The following CUL2 variants were observed in gnomAD, a reference collection of about 807,000 sequenced individuals.
CUL2 encodes the protein cullin 2, also known as cullin-2.
CUL2 carries 22 observed loss-of-function variants against 110.2 expected under a neutral mutation model. The ratio of observed to expected loss-of-function variants is 0.20; its 90% CI spans 0.14 to 0.28. The LOEUF (loss-of-function observed/expected upper bound fraction) is 0.28, where lower values mean the gene tolerates loss of function less well. Among genes scored for constraint, CUL2 ranks in the 10% least tolerant of loss-of-function variants. The pLI, the probability that CUL2 is intolerant of heterozygous loss-of-function variation, is 1.00. For missense variants in CUL2, 631 were observed against 905.5 expected (o/e 0.70, Z 3.89); for synonymous variants, 279 against 293.2 (o/e 0.95, Z 0.49).
chr10:35,072,076 C>T (rs564689247), intron 1 of CUL2, among the ~76,000 whole-genome samples: 60 of 152,208 alleles, frequency 3.9e-4, no homozygotes, highest in African/African-American at 1.2e-3. Flanking sequence ...AATGAGGCAG[C>T]ATGCAAGGGA....
intron 1 of CUL2, among the ~76,000 whole-genome samples, chr10:35,073,095 T>C (rs189203205): frequency 2.0e-5 from 3 of 152,040 alleles, no homozygotes; most frequent in African/African-American, 7.2e-5. Context: ...ATAGACTCCA[T>C]GGAAAAGAAT....
chr10:35,013,663 C>T (rs779306285), intron 19 of CUL2, 36 bp downstream of exon 19: 97 of 1,342,066 alleles, frequency 7.2e-5, no homozygotes, highest in Non-Finnish European at 9.9e-5. Context: ...TTAAATGTTT[C>T]CCCCTCAAAA....
chr10:35,012,673 G>A (rs1588941769), intron 19 of CUL2, among the ~76,000 whole-genome samples: 1 of 152,182 alleles, frequency 6.6e-6, no homozygotes, highest in Non-Finnish European at 1.5e-5. Context: ...TATTAGCCTG[G>A]AGGAAAATGG....
At chr10:35,081,353 G>A (rs763373059) in intron 1 of CUL2, among the ~76,000 whole-genome samples, 1 of 152,026 alleles carries the variant, frequency 6.6e-6, no homozygotes, top group Non-Finnish European at 1.5e-5. Context: ...TTTTCACATC[G>A]CTCTTATCAG....
At chr10:35,119,790 G>C (rs1179515465) in intron 1 of CUL2, among the ~76,000 whole-genome samples, 1 of 151,862 alleles carries the variant, frequency 6.6e-6, no homozygotes, top group Non-Finnish European at 1.5e-5. Context: ...GGCTGATCTC[G>C]AACTCCTGGC....
chr10:35,025,202 T>TG lies in CUL2; in HGVS notation c.1618-5_1618-4insC, dbSNP rs1564701988. On this transcript the variant is annotated splice_region_variant and splice_polypyrimidine_tract_variant and intron_variant, in intron 16 of 20. Coordinates refer to ENST00000374749, the MANE Select transcript of CUL2 (RefSeq NM_003591.4). ...GTTGGCTATAAAATAATTCAAACTG[T>TG]AAAAAAAAAAAAAAAACACACATTA... 1.4e-4 allele frequency: 207 copies of TG among 1,434,432 alleles called. No homozygotes were observed. Among genetic ancestry groups the TG allele is most frequent in the South Asian group, 2.6e-4 (18 of 68,838 alleles). 88.9% of individuals were successfully genotyped at this position (1,434,432 alleles called of 1,614,324 possible).
At chr10:35,011,210 AATTTTTTT>A in intron 20 of CUL2, among the ~76,000 whole-genome samples, 1 of 129,292 alleles carries the variant, frequency 7.7e-6, no homozygotes, top group Non-Finnish European at 1.6e-5. Flanking sequence ...TTAATTTTTT[AATTTTTTT>A]TTTTTTTTTT....
chr10:35,044,051 CAAA>C (rs534515519), intron 8 of CUL2, among the ~76,000 whole-genome samples: 19 of 87,808 alleles, frequency 2.2e-4, no homozygotes, highest in Admixed American at 4.3e-4. Flanking sequence ...ACCACATCTC[CAAA>C]AAAAAAAAAA....
At chr10:35,032,944 TC>T (rs929864852) in intron 11 of CUL2, among the ~76,000 whole-genome samples, 24 of 152,122 alleles carry the variant, frequency 1.6e-4, no homozygotes, top group African/African-American at 5.8e-4. Context: ...GATTAAAAAT[TC>T]CCCTTATATA....
intron 9 of CUL2, 80 bp from the exon 10 acceptor site, chr10:35,035,376 T>C (rs915092400): frequency 7.4e-6 from 11 of 1,489,460 alleles, no homozygotes; most frequent in Middle Eastern, 1.7e-4. Flanking sequence ...AGTGCAGGAG[T>C]ACAATATACG....
intron 6 of CUL2, among the ~76,000 whole-genome samples, chr10:35,049,480 C>G (rs1256231058): frequency 6.8e-6 from 1 of 146,546 alleles, no homozygotes; most frequent in Non-Finnish European, 1.5e-5. Context: ...GAGCTCCCCC[C>G]ACCAAAAAGA....
chr10:35,096,359 C>T (rs1342669535), intron 2 of CUL2, among the ~76,000 whole-genome samples: 5 of 152,150 alleles, frequency 3.3e-5, no homozygotes, highest in Non-Finnish European at 5.9e-5. Flanking sequence ...AATCCCAGCA[C>T]TTTGGAAGAT....
chr10:35,073,646 C>T (rs1564740318), intron 1 of CUL2, among the ~76,000 whole-genome samples: 1 of 149,978 alleles, frequency 6.7e-6, no homozygotes, highest in Non-Finnish European at 1.5e-5. Flanking sequence ...TGTTGTCAGC[C>T]TGGGCTGGGG....
At chr10:35,014,248 G>GA (rs1409872198) in intron 18 of CUL2, among the ~76,000 whole-genome samples, 1 of 152,166 alleles carries the variant, frequency 6.6e-6, no homozygotes, top group Non-Finnish European at 1.5e-5. Context: ...GATGACAAGA[G>GA]AAAGCTGTGC....
Position 35,031,730 on chromosome 10 carries a change from G to GTT in CUL2, c.1171-113_1171-112dup. The stretch of plus-strand genomic sequence containing the variant: ...AAGATCAGCGGACAGAATTTTTGCT[G>GTT]TTTTTTTTAGAGACCGGGTCTTGCT... On this transcript the variant is annotated intron_variant, in intron 12 of 20. Transcript: ENST00000374749. The surrounding 1 kb of genome is among the most constrained non-coding windows in gnomAD (Gnocchi z 4.4). The GTT allele has an allele frequency of 8.7e-7, 1 of 1,146,880 alleles. No individual in the cohort carries two copies. Among genetic ancestry groups the GTT allele is most frequent in the Non-Finnish European group, 1.2e-6 (1 of 801,000 alleles). 71.0% of individuals were successfully genotyped at this position (1,146,880 alleles called of 1,614,324 possible). A position where few individuals can be genotyped will look rare whatever the true frequency, so the allele number is the denominator to read the frequency against.
rs1248574808 is a variant in CUL2, at chr10:35,025,205, A to G, written c.1618-7T>C. On this transcript the variant is annotated splice_polypyrimidine_tract_variant and splice_region_variant and intron_variant, in intron 16 of 20. Transcript: ENST00000374749. ...GGCTATAAAATAATTCAAACTGTAAAAAAAAAAAAAAAACACACATTATTT... is the reference window on the plus strand; with the variant it reads ...GGCTATAAAATAATTCAAACTGTAAGAAAAAAAAAAAAACACACATTATTT... The G allele has an allele frequency of 3.8e-6, 5 of 1,307,136 alleles. No homozygotes were observed. Among genetic ancestry groups the G allele is most frequent in the South Asian group, 2.9e-5 (2 of 68,410 alleles). 81.0% of individuals were successfully genotyped at this position (1,307,136 alleles called of 1,614,324 possible).
intron 8 of CUL2, among the ~76,000 whole-genome samples, chr10:35,042,605 A>G (rs1169577406): frequency 2.0e-5 from 3 of 152,128 alleles, no homozygotes; most frequent in Non-Finnish European, 1.5e-5. Context: ...GACTACTGAC[A>G]TCATGAAGCT....
At chr10:35,125,138 C>T (rs2087731857) in intron 1 of CUL2, among the ~76,000 whole-genome samples, 1 of 152,200 alleles carries the variant, frequency 6.6e-6, no homozygotes, top group South Asian at 2.1e-4. Context: ...TTGCCCACAG[C>T]TAACAAGCAT....
At chr10:35,073,590 T>TTTTC (rs1564740247) in intron 1 of CUL2, among the ~76,000 whole-genome samples, 1 of 151,656 alleles carries the variant, frequency 6.6e-6, no homozygotes, top group Admixed American at 6.6e-5. Context: ...CTTTTCTTTT[T>TTTTC]TTTTTTCTTT....
Sources: gnomAD v4.1 joint callset for allele counts (sites outside exome capture counted in the v4.1 genomes callset) on GRCh38, gnomAD v4.1.1 for gene constraint, Gnocchi (gnomAD v3.1) non-coding constraint, MANE v1.5 for transcripts, NCBI Gene and HGNC (gene_info 2026-07-23, HGNC 2026-07-21) for gene names.